The following ARHGAP32 variants were observed in gnomAD, a reference collection of about 807,000 sequenced individuals.
ARHGAP32 encodes rho GTPase-activating protein 32.
ARHGAP32 carries 51 observed loss-of-function variants against 186.5 expected under a neutral mutation model. That is an observed-to-expected ratio of 0.27 (90% CI 0.22 to 0.35). The LOEUF is 0.35. Ranked by LOEUF, ARHGAP32 falls within the 10% of genes least tolerant of loss-of-function variation. The pLI, the probability that ARHGAP32 is intolerant of heterozygous loss-of-function variation, is 1.00. For missense variants in ARHGAP32, 2,186 were observed against 2,623.5 expected (o/e 0.83, Z 3.64); for synonymous variants, 950 against 964.3 (o/e 0.99, Z 0.27).
intron 1 of ARHGAP32, among the ~76,000 whole-genome samples, chr11:129,276,781 T>A (rs957949129): frequency 2.6e-5 from 4 of 152,158 alleles, no homozygotes; most frequent in Admixed American, 2.6e-4. Context: ...CCTTCACAGC[T>A]CTGTAAGAAA....
At chr11:129,065,000 TGG>T in intron 7 of ARHGAP32, 67 bp from the exon 8 acceptor site, 1 of 1,329,098 alleles carries the variant, frequency 7.5e-7, no homozygotes, top group Non-Finnish European at 1.1e-6. Context: ...GAAAACTGGA[TGG>T]TTTCTGGAAG....
chr11:129,066,639 T>C, intron 7 of ARHGAP32, 92 bp downstream of exon 7: 7 of 1,196,406 alleles, frequency 5.9e-6, no homozygotes, highest in Non-Finnish European at 7.9e-6. Context: ...ACCCTGCGTG[T>C]TCAGTATAAG....
At chr11:129,065,980 A>C (rs1940674313) in intron 7 of ARHGAP32, among the ~76,000 whole-genome samples, 1 of 152,106 alleles carries the variant, frequency 6.6e-6, no homozygotes, top group African/African-American at 2.4e-5. Flanking sequence ...GCTCTTACTA[A>C]ATTAATTTAA....
At chr11:129,249,303 A>G (rs1017130856) in intron 1 of ARHGAP32, among the ~76,000 whole-genome samples, 1 of 152,260 alleles carries the variant, frequency 6.6e-6, no homozygotes. Flanking sequence ...TGTATTAAAA[A>G]AAGTAATACT....
intron 6 of ARHGAP32, among the ~76,000 whole-genome samples, chr11:129,082,547 T>G (rs575422726): frequency 6.6e-6 from 1 of 152,058 alleles, no homozygotes; most frequent in Non-Finnish European, 1.5e-5. Flanking sequence ...GCAAGTCACA[T>G]GTAGAAGAAT....
In ARHGAP32 at chr11:129,010,064, G is replaced by A. The variant is rs1028885483; in HGVS notation, c.1046-11596C>T. Among the ~76,000 whole-genome samples the A allele has an allele frequency of 3.3e-5, 5 of 152,008 alleles. No homozygotes were observed. In the East Asian group the frequency reaches 7.7e-4, roughly 23 times the overall value. ...TGGTTTTGATTTCTATTTCTCTAAC[G>A]ACCAGTGTTGTTTGTTGGCAGGATG... is the stretch of plus-strand genomic sequence containing the variant. On this transcript the variant is annotated intron_variant, in intron 11 of 22. Transcript: ENST00000682385.
chr11:129,055,301 T>C (rs1344171878), intron 10 of ARHGAP32, among the ~76,000 whole-genome samples: 2 of 152,194 alleles, frequency 1.3e-5, no homozygotes, highest in African/African-American at 4.8e-5. Flanking sequence ...GGTGAGGATG[T>C]GGAACAGCAG....
intron 1 of ARHGAP32, among the ~76,000 whole-genome samples, chr11:129,188,250 C>T (rs1944203062): frequency 6.6e-6 from 1 of 152,130 alleles, no homozygotes; most frequent in Non-Finnish European, 1.5e-5. Flanking sequence ...GCCACCATGC[C>T]CAGCCTCAGT....
chr11:128,968,449 C>T lies in ARHGAP32; in HGVS notation c.*458G>A, dbSNP rs1179999747. On this transcript the variant is annotated 3_prime_UTR_variant, in exon 23 of 23. Coordinates refer to ENST00000682385, the MANE Select transcript of ARHGAP32 (RefSeq NM_001378024.1). ...GAAGTGACAACAGTGTGTCGATCTG[C>T]GCAAGTTGTGCAGCTACTGAAGGAG... The T allele has an allele frequency of 1.3e-5, 2 of 152,548 alleles. No homozygotes were observed. The highest frequency in any genetic ancestry group is 4.8e-5 in the African/African-American group (2 of 41,446). 9.4% of individuals were successfully genotyped at this position (152,548 alleles called of 1,614,324 possible).
chr11:129,148,171 A>T (rs1943210554), intron 2 of ARHGAP32, among the ~76,000 whole-genome samples: 1 of 152,214 alleles, frequency 6.6e-6, no homozygotes, highest in Non-Finnish European at 1.5e-5. Flanking sequence ...CTTTACCATG[A>T]TCTTTTGCTC....
At position 128,971,073 on chromosome 11, in the gene ARHGAP32, A is replaced by G. The variant is rs1303031529; in HGVS notation, c.4140T>C (p.Gly1380=). Residue 1380 remains glycine, a synonymous_variant, in exon 23 of 23, where the codon GGT becomes GGC. Coordinates refer to ENST00000682385, the MANE Select transcript of ARHGAP32 (RefSeq NM_001378024.1). ...DPASAFISDS[G]AAAAQCPMAT... ...CCATGGGACACTGAGCAGCAGCAGC[A>G]CCACTGTCACTGATGAAGGCAGACG... is the stretch of plus-strand genomic sequence containing the variant. The G allele has an allele frequency of 6.2e-7, 1 of 1,614,072 alleles. No homozygotes were observed. The highest frequency in any genetic ancestry group is 8.5e-7 in the Non-Finnish European group (1 of 1,180,042).
chr11:129,255,610 A>G (rs1945244705), intron 1 of ARHGAP32, among the ~76,000 whole-genome samples: 1 of 152,096 alleles, frequency 6.6e-6, no homozygotes, highest in African/African-American at 2.4e-5. Flanking sequence ...AGGAAAAGAT[A>G]CTCACAATAC....
At chr11:129,164,282 A>G (rs868670153) in intron 2 of ARHGAP32, 37 bp downstream of exon 2, 2 of 1,192,282 alleles carry the variant, frequency 1.7e-6, no homozygotes, top group South Asian at 1.4e-5. Context: ...ATATACATAT[A>G]TATGTATATA....
intron 1 of ARHGAP32, among the ~76,000 whole-genome samples, chr11:129,277,773 C>T (rs1008558149): frequency 3.3e-5 from 5 of 152,300 alleles, no homozygotes; most frequent in Admixed American, 6.5e-5. Flanking sequence ...ATCACAACAT[C>T]CTAATGCCTC....
chr11:129,276,591 C>A (rs566981062), intron 1 of ARHGAP32, among the ~76,000 whole-genome samples: 2 of 152,290 alleles, frequency 1.3e-5, no homozygotes, highest in East Asian at 3.9e-4. Context: ...GAGGTGTAAG[C>A]CACCCTGCCC....
intron 1 of ARHGAP32, among the ~76,000 whole-genome samples, chr11:129,218,516 A>G (rs949742176): frequency 1.3e-5 from 2 of 152,100 alleles, no homozygotes; most frequent in Non-Finnish European, 2.9e-5. Context: ...CTCAAGTGTC[A>G]TCTCCTTTAA....
intron 5 of ARHGAP32, among the ~76,000 whole-genome samples, chr11:129,117,594 A>G (rs1203026240): frequency 6.6e-6 from 1 of 152,010 alleles, no homozygotes; most frequent in African/African-American, 2.4e-5. Flanking sequence ...AGCTCGAGAC[A>G]CAGATATTAA....
At chr11:129,246,803 G>T (rs1298667268) in intron 1 of ARHGAP32, among the ~76,000 whole-genome samples, 1 of 152,154 alleles carries the variant, frequency 6.6e-6, no homozygotes, top group East Asian at 1.9e-4. Flanking sequence ...TTATAACATT[G>T]GGGTGGGATT....
intron 10 of ARHGAP32, 133 bp from the exon 11 acceptor site, chr11:129,041,142 C>T (rs1939576237): frequency 1.9e-6 from 1 of 519,512 alleles, no homozygotes; most frequent in East Asian, 3.1e-5. Flanking sequence ...CTCTAAATAA[C>T]AGATGATGCC....
Sources: gnomAD v4.1 joint callset for allele counts (sites outside exome capture counted in the v4.1 genomes callset) on GRCh38, gnomAD v4.1.1 for gene constraint, MANE v1.5 for transcripts, NCBI Gene and HGNC (gene_info 2026-07-23, HGNC 2026-07-21) for gene names.